The following TBC1D22A variants were observed in gnomAD, a reference collection of about 807,000 sequenced individuals.
TBC1D22A encodes TBC1 domain family member 22A.
TBC1D22A carries 38 observed loss-of-function variants against 60.2 expected under a neutral mutation model. That is an observed-to-expected ratio of 0.63 (90% CI 0.49 to 0.83). The LOEUF (loss-of-function observed/expected upper bound fraction) is 0.83, where lower values mean the gene tolerates loss of function less well. TBC1D22A is among the 40% of genes least tolerant of loss of function. The pLI is 0.00. For missense variants in TBC1D22A, 628 were observed against 701.0 expected, an observed-to-expected ratio of 0.90 and a Z score of 1.18; for synonymous variants, 302 against 281.7, an observed-to-expected ratio of 1.07 and a Z score of -0.72.
At chr22:46,982,648 G>T (rs8136425) in intron 9 of TBC1D22A, among the ~76,000 whole-genome samples, 6,014 of 152,260 alleles carry the variant, frequency 0.039, 375 homozygotes, top group African/African-American at 0.14. Context: ...AGCCACTGCT[G>T]GCCTACCGGT....
intron 8 of TBC1D22A, among the ~76,000 whole-genome samples, chr22:46,945,349 C>A (rs136061): frequency 6.6e-6 from 1 of 152,024 alleles, no homozygotes; most frequent in Non-Finnish European, 1.5e-5. Context: ...CCTGTTTGAC[C>A]GTTGTGGTGG....
chr22:47,087,358 A>G (rs2064740941), intron 11 of TBC1D22A, among the ~76,000 whole-genome samples: 1 of 152,254 alleles, frequency 6.6e-6, no homozygotes, highest in South Asian at 2.1e-4. Context: ...ATTGCTTTAC[A>G]TAATTATAAA....
At chr22:47,152,386 C>G (rs1449761445) in intron 12 of TBC1D22A, among the ~76,000 whole-genome samples, 1 of 152,220 alleles carries the variant, frequency 6.6e-6, no homozygotes, top group African/African-American at 2.4e-5. Context: ...AGCGCAAGCT[C>G]AGGGTCCCCA....
intron 1 of TBC1D22A, among the ~76,000 whole-genome samples, chr22:46,766,875 C>G (rs2083306039): frequency 6.6e-6 from 1 of 152,140 alleles, no homozygotes; most frequent in South Asian, 2.1e-4. Context: ...TAAAGTCCCC[C>G]TTTTTTGCAT....
At chr22:46,899,651 T>C (rs1410698898) in intron 7 of TBC1D22A, among the ~76,000 whole-genome samples, 1 of 152,194 alleles carries the variant, frequency 6.6e-6, no homozygotes, top group African/African-American at 2.4e-5. Context: ...TATGCTTGGC[T>C]TTGACCTCAT....
chr22:46,942,008 C>CATAT lies in TBC1D22A; in HGVS notation c.1015+29835_1015+29838dup, dbSNP rs1555960665. On this transcript the variant is annotated intron_variant, in intron 8 of 12. Transcript: ENST00000337137. ...GCATGGGGCCTGGGGCACCAGCATA[C>CATAT]ATATATATATATATATATTATATAT... Among the ~76,000 whole-genome samples, 260 of 133,622 alleles carry CATAT rather than the reference C, an allele frequency of 1.9e-3. 3 individuals are homozygous for CATAT. The highest frequency in any genetic ancestry group is 5.9e-3 in the African/African-American group (209 of 35,502). The allele number at this position is 133,622 out of a possible 152,430, so 87.7% of individuals were successfully genotyped here. A position where few individuals can be genotyped will look rare whatever the true frequency, so the allele number is the denominator to read the frequency against.
At chr22:46,943,055 T>C (rs933593729) in intron 8 of TBC1D22A, among the ~76,000 whole-genome samples, 3 of 151,964 alleles carry the variant, frequency 2.0e-5, no homozygotes, top group Non-Finnish European at 4.4e-5. Flanking sequence ...AGCAGGAAAA[T>C]GGCGTTGAAC....
chr22:46,891,626 A>C (rs576070980), intron 6 of TBC1D22A, among the ~76,000 whole-genome samples: 1 of 152,338 alleles, frequency 6.6e-6, no homozygotes, highest in Non-Finnish European at 1.5e-5. Context: ...CAAAAGTAAA[A>C]AGAGTATTTT....
At chr22:47,095,724 A>G (rs769340890) in intron 11 of TBC1D22A, among the ~76,000 whole-genome samples, 1 of 152,244 alleles carries the variant, frequency 6.6e-6, no homozygotes, top group Non-Finnish European at 1.5e-5. Flanking sequence ...CCCCTGAGGA[A>G]ACTCATGGCA....
chr22:46,849,720 C>A (rs2087182588), intron 4 of TBC1D22A, among the ~76,000 whole-genome samples: 1 of 152,100 alleles, frequency 6.6e-6, no homozygotes, highest in Non-Finnish European at 1.5e-5. Context: ...TTTGGGGAGT[C>A]TTCAGATATA....
At chr22:46,949,902 T>C (rs2147999565) in intron 8 of TBC1D22A, among the ~76,000 whole-genome samples, 1 of 152,326 alleles carries the variant, frequency 6.6e-6, no homozygotes, top group South Asian at 2.1e-4. Context: ...CCGAGGCTGC[T>C]GGGGCTGGAG....
intron 4 of TBC1D22A, among the ~76,000 whole-genome samples, chr22:46,835,336 ACAACT>A (rs1333977449): frequency 6.6e-6 from 1 of 152,236 alleles, no homozygotes; most frequent in Non-Finnish European, 1.5e-5. Context: ...GAGAAAACAG[ACAACT>A]CAACAAAATC....
intron 8 of TBC1D22A, among the ~76,000 whole-genome samples, chr22:46,953,478 A>G (rs978784685): frequency 7.9e-6 from 1 of 126,558 alleles, no homozygotes; most frequent in African/African-American, 3.5e-5. Context: ...TCATTTTTAT[A>G]ATTTCCTGTT....
intron 4 of TBC1D22A, among the ~76,000 whole-genome samples, chr22:46,849,203 C>T (rs892834504): frequency 7.9e-5 from 12 of 152,174 alleles, no homozygotes; most frequent in Non-Finnish European, 1.5e-4. Flanking sequence ...AGGTTGTCCC[C>T]GTTGACCTGG....
In TBC1D22A at chr22:47,079,191, A is replaced by G. The variant is rs181193314; in HGVS notation, c.1330-32317A>G. Among the ~76,000 whole-genome samples, 13 of 151,378 alleles carry G rather than the reference A, an allele frequency of 8.6e-5. 1 individual carries two copies. Among genetic ancestry groups the G allele is most frequent in the Admixed American group, 5.9e-4 (9 of 15,178 alleles). On this transcript the variant is annotated intron_variant, in intron 11 of 12. Transcript: ENST00000337137. ...AACTTCCACCTCCCAGGTTCAAGCA[A>G]TTCTCCTGTCTCAGCCTTCCTAGTT...
chr22:46,768,966 C>T (rs986780560), intron 1 of TBC1D22A, among the ~76,000 whole-genome samples: 1 of 151,874 alleles, frequency 6.6e-6, no homozygotes, highest in African/African-American at 2.4e-5. Flanking sequence ...TTGTGGCAGG[C>T]ATCTATAATC....
At chr22:47,111,387 C>T (rs1479799053) in intron 11 of TBC1D22A, 121 bp from the exon 12 acceptor site, 1 of 808,868 alleles carries the variant, frequency 1.2e-6, no homozygotes, top group Non-Finnish European at 2.0e-6. Flanking sequence ...AGTGAGTCAA[C>T]ACAAGCTTTG....
At chr22:47,035,493 C>T (rs750365706) in intron 10 of TBC1D22A, among the ~76,000 whole-genome samples, 3 of 152,190 alleles carry the variant, frequency 2.0e-5, no homozygotes, top group Admixed American at 6.5e-5. Context: ...TATTCACTGT[C>T]GTGTTGGAAT....
At chr22:47,005,224 C>T (rs1192850484) in intron 10 of TBC1D22A, among the ~76,000 whole-genome samples, 1 of 151,684 alleles carries the variant, frequency 6.6e-6, no homozygotes, top group African/African-American at 2.4e-5. Context: ...CATATATACA[C>T]ACATGCCTAT....
Sources: gnomAD v4.1 joint callset for allele counts (sites outside exome capture counted in the v4.1 genomes callset) on GRCh38, gnomAD v4.1.1 for gene constraint, MANE v1.5 for transcripts, NCBI Gene and HGNC (gene_info 2026-07-23, HGNC 2026-07-21) for gene names.